The following DBH variants were observed in gnomAD, a reference collection of about 807,000 sequenced individuals.
DBH encodes the protein dopamine beta-hydroxylase, also known as dopamine beta-hydroxylase (dopamine beta-monooxygenase).
In DBH, 49 loss-of-function variants were observed where a neutral mutation model predicts 64.0. The ratio of observed to expected loss-of-function variants is 0.77; its 90% CI spans 0.61 to 0.97. DBH has a LOEUF of 0.97. Among genes scored for constraint, DBH ranks in the 50% least tolerant of loss-of-function variants. DBH has a pLI of 0.00. For missense variants in DBH, 828 were observed against 826.6 expected (o/e 1.00, Z -0.02); for synonymous variants, 343 against 347.1 (o/e 0.99, Z 0.13).
chr9:133,641,314 C>T (rs967344951), intron 2 of DBH, among the ~76,000 whole-genome samples: 3 of 152,150 alleles, frequency 2.0e-5, no homozygotes, highest in African/African-American at 7.2e-5. Context: ...GGTGTTCTTC[C>T]AGGAGGTTGT....
Position 133,643,569 on chromosome 9 carries a change from G to A in DBH, c.901G>A (p.Ala301Thr), listed in dbSNP as rs201681337. 326 of 1,613,438 alleles carry A rather than the reference G, an allele frequency of 2.0e-4. 6 individuals carry two copies. The highest frequency in any genetic ancestry group is 1.8e-3 in the South Asian group (161 of 91,066). The change falls in exon 4 of 12, where the codon GCC (alanine) becomes ACC (threonine). Residue 301 changes from alanine to threonine, a missense_variant. Physicochemically the swap from Ala to Thr is moderately conservative, Grantham distance 58. Coordinates refer to ENST00000393056, the MANE Select transcript of DBH (RefSeq NM_000787.4). This position sits in a 1 kb window ranked among gnomAD's most constrained non-coding sequence, Gnocchi z 5.3. Reference sequence around the variant, plus strand: ...CAACTACTGCCGCCACGTGCTGGCCGCCTGGGCCCTGGGTGCCAAGGTGCG... The same window carrying A: ...CAACTACTGCCGCCACGTGCTGGCCACCTGGGCCCTGGGTGCCAAGGTGCG... ...RLNYCRHVLA[A>T]WALGAKAFYY...
At chr9:133,644,410 A>T (rs1832157605) in intron 5 of DBH, 90 bp downstream of exon 5, 2 of 1,034,846 alleles carry the variant, frequency 1.9e-6, no homozygotes, top group Admixed American at 1.8e-5. Context: ...TCTGCCCAGC[A>T]TGGTGCCCCC....
chr9:133,643,607 C>T lies in DBH; in HGVS notation c.921+18C>T. The T allele has an allele frequency of 6.2e-7, 1 of 1,612,800 alleles. No homozygotes were observed. The highest frequency in any genetic ancestry group is 8.5e-7 in the Non-Finnish European group (1 of 1,179,752). ...GTGCCAAGGTGCGTGCCCTGCGACCCCAGCATGGTGTCTCCTGCCTGGGCC... is the reference window on the plus strand; with the variant it reads ...GTGCCAAGGTGCGTGCCCTGCGACCTCAGCATGGTGTCTCCTGCCTGGGCC... On this transcript the variant is annotated intron_variant, in intron 4 of 11. Transcript: ENST00000393056. The surrounding 1 kb of genome is among the most constrained non-coding windows in gnomAD (Gnocchi z 5.3).
intron 5 of DBH, among the ~76,000 whole-genome samples, chr9:133,645,095 G>C (rs1381106684): frequency 6.6e-6 from 1 of 152,184 alleles, no homozygotes. Context: ...GTGCTAGGCT[G>C]TGCCTCACCA....
At chr9:133,657,355 G>A (rs569361962) in intron 11 of DBH, 126 bp downstream of exon 11, 281 of 1,152,858 alleles carry the variant, frequency 2.4e-4, no homozygotes, top group Non-Finnish European at 3.2e-4. Flanking sequence ...ATGAGAGCAA[G>A]TGCCAGGTGG....
chr9:133,652,526 C>T (rs1005647059), intron 8 of DBH, among the ~76,000 whole-genome samples: 3 of 151,982 alleles, frequency 2.0e-5, no homozygotes, highest in Admixed American at 6.6e-5. Context: ...CCAGGGGACG[C>T]GTGTCCTCAG....
chr9:133,658,229 C>T (rs1588356053), intron 11 of DBH, 87 bp from the exon 12 acceptor site: 13 of 1,561,266 alleles, frequency 8.3e-6, no homozygotes, highest in African/African-American at 6.8e-5. Flanking sequence ...GGGCAAGAAT[C>T]CAAGAGGTGG....
rs1832144675 is a variant in DBH at position 133,643,697 on chromosome 9, C to CA, written c.921+110dup. ...CTCAGAGGCTTCAAGAAGGGGCTCCCAAGGGGGCTCACGAGGCCACCAGAA... is the reference window on the plus strand; with the variant it reads ...CTCAGAGGCTTCAAGAAGGGGCTCCCAAAGGGGGCTCACGAGGCCACCAGAA... On this transcript the variant is annotated intron_variant, in intron 4 of 11. Coordinates refer to ENST00000393056, the MANE Select transcript of DBH (RefSeq NM_000787.4). The surrounding 1 kb of genome is among the most constrained non-coding windows in gnomAD (Gnocchi z 5.3). The CA allele has an allele frequency of 5.3e-6, 7 of 1,331,818 alleles. No homozygotes were observed. Among genetic ancestry groups the CA allele is most frequent in the Admixed American group, 2.0e-5 (1 of 49,228 alleles). 82.5% of individuals were successfully genotyped at this position (1,331,818 alleles called of 1,614,324 possible). A position where few individuals can be genotyped will look rare whatever the true frequency, so the allele number is the denominator to read the frequency against.
At chr9:133,648,332 C>T (rs989009773) in intron 6 of DBH, among the ~76,000 whole-genome samples, 3 of 152,216 alleles carry the variant, frequency 2.0e-5, no homozygotes, top group African/African-American at 4.8e-5. Context: ...CACTCACAAG[C>T]GCAGGCACTG....
intron 3 of DBH, among the ~76,000 whole-genome samples, chr9:133,642,828 C>T (rs1003487708): frequency 1.3e-5 from 2 of 152,194 alleles, no homozygotes; most frequent in African/African-American, 2.4e-5. Context: ...AACACCCGTC[C>T]GGGGAAGACA....
intron 1 of DBH, among the ~76,000 whole-genome samples, chr9:133,636,979 A>G (rs1407364754): frequency 2.7e-5 from 4 of 150,522 alleles, no homozygotes. Context: ...GAATGGAACT[A>G]TACACAGAGG....
At chr9:133,650,441 CCTTCTTTT>C (rs1023983409) in intron 6 of DBH, among the ~76,000 whole-genome samples, 1 of 149,256 alleles carries the variant, frequency 6.7e-6, no homozygotes, top group Non-Finnish European at 1.5e-5. Flanking sequence ...TTCCTTCTTT[CCTTCTTTT>C]CTTTCCTTTC....
intron 9 of DBH, chr9:133,654,642 GGCTGATGTCGGGTGCTT>G: frequency 6.6e-6 from 1 of 152,240 alleles, no homozygotes; most frequent in Admixed American, 6.5e-5. Context: ...TCACAGCAGT[GGCTGATGTCGGGTGCTT>G]GCCACAGCTC....
chr9:133,652,064 A>G (rs1832256068), intron 7 of DBH, among the ~76,000 whole-genome samples, 182 bp from the exon 8 acceptor site: 1 of 152,120 alleles, frequency 6.6e-6, no homozygotes, highest in African/African-American at 2.4e-5. Flanking sequence ...TCTGGTTTGA[A>G]TCTAATGCCC....
intron 9 of DBH, among the ~76,000 whole-genome samples, chr9:133,653,357 A>G (rs1282976893): frequency 6.6e-6 from 1 of 152,112 alleles, no homozygotes; most frequent in Non-Finnish European, 1.5e-5. Context: ...GTAGGACAAG[A>G]GGTTGACCTT....
intron 7 of DBH, 25 bp from the exon 8 acceptor site, chr9:133,652,221 C>T (rs780444332): frequency 3.7e-6 from 6 of 1,613,636 alleles, no homozygotes; most frequent in South Asian, 1.1e-5. Flanking sequence ...TCCTCTCCCC[C>T]ACCCCTCGGC....
intron 11 of DBH, among the ~76,000 whole-genome samples, chr9:133,658,047 G>A (rs1832358146): frequency 6.6e-6 from 1 of 152,070 alleles, no homozygotes; most frequent in Admixed American, 6.5e-5. Context: ...TGCTACACTA[G>A]GGTGAATGAT....
chr9:133,657,268 C>G lies in DBH; in HGVS notation c.1722+39C>G, dbSNP rs74643874. ...GGCCCGGGTGGGGCATGCAGTCAGG[C>G]AGGCCTCATGGGGGGCCCCAGTGAG... On this transcript the variant is annotated intron_variant, in intron 11 of 11. Transcript: ENST00000393056. The G allele has an allele frequency of 2.3e-3, 3,687 of 1,611,576 alleles. 70 individuals carry two copies. The African/African-American group carries it at 0.044, about 19-fold the overall frequency.
rs1832378730 is a variant in DBH, at chr9:133,659,198, G to C, written c.*751G>C. 6.6e-6 allele frequency: 1 copy of C among 152,260 alleles called. No individual in the cohort carries two copies. Among genetic ancestry groups the C allele is most frequent in the African/African-American group, 2.4e-5 (1 of 41,458 alleles). 9.4% of individuals were successfully genotyped at this position (152,260 alleles called of 1,614,324 possible). On this transcript the variant is annotated 3_prime_UTR_variant, in exon 12 of 12. Transcript: ENST00000393056. ...GTGGAGTCAGGGCTGTGCTTTCCGC[G>C]TGGTTCTGCCACTTAGGGAGTGTGC...
Sources: gnomAD v4.1 joint callset for allele counts (sites outside exome capture counted in the v4.1 genomes callset) on GRCh38, gnomAD v4.1.1 for gene constraint, Gnocchi (gnomAD v3.1) non-coding constraint, MANE v1.5 for transcripts, NCBI Gene and HGNC (gene_info 2026-07-23, HGNC 2026-07-21) for gene names.